The following MYO5B variants were observed in gnomAD, a reference collection of about 807,000 sequenced individuals.
MYO5B encodes the protein myosin VB.
MYO5B carries 143 observed loss-of-function variants against 229.3 expected under a neutral mutation model. That is an observed-to-expected ratio of 0.62 (90% confidence interval 0.54 to 0.72). MYO5B has a LOEUF of 0.72. Ranked by LOEUF, MYO5B falls within the 30% of genes least tolerant of loss-of-function variation. The pLI, the probability that MYO5B is intolerant of heterozygous loss-of-function variation, is 0.00. For missense variants in MYO5B, 2,321 were observed against 2,331.0 expected (o/e 1.00, Z 0.09); for synonymous variants, 918 against 885.2 (o/e 1.04, Z -0.66).
rs2024227784 is a variant in MYO5B, at chr18:49,853,616, G to T, written c.4054C>A (p.Leu1352Met). Residue 1352 changes from leucine (L) to methionine (M), a missense_variant, in exon 31 of 40, where the codon CTG (leucine) becomes ATG (methionine). By Grantham distance (15) the Leu-to-Met change is conservative. Coordinates refer to ENST00000285039, the MANE Select transcript of MYO5B (RefSeq NM_001080467.3). Reference protein sequence around the residue: ...LLEAQLQAQSLEHEEEVEHLK... With the variant: ...LLEAQLQAQSMEHEEEVEHLK... ...TGCTCCACCTCCTCCTCATGCTCCA[G>T]GCTCTGGGCCTGCAGCTGAGCCTCC... 6.2e-7 allele frequency: 1 copy of T among 1,613,638 alleles called. No homozygotes were observed. The highest frequency in any genetic ancestry group is 1.3e-5 in the African/African-American group (1 of 74,936).
intron 16 of MYO5B, among the ~76,000 whole-genome samples, chr18:49,934,031 A>G (rs1256025542): frequency 2.0e-5 from 3 of 152,090 alleles, no homozygotes; most frequent in Non-Finnish European, 4.4e-5. Context: ...ATGCACCACC[A>G]TGCCCAGCTA....
intron 1 of MYO5B, among the ~76,000 whole-genome samples, chr18:50,138,336 GC>G (rs1189025136): frequency 6.6e-6 from 1 of 151,914 alleles, no homozygotes; most frequent in Non-Finnish European, 1.5e-5. Context: ...ATTCCTTCCT[GC>G]CCTCTTTCCC....
At chr18:49,968,519 C>T (rs752140815) in intron 10 of MYO5B, among the ~76,000 whole-genome samples, 5 of 151,384 alleles carry the variant, frequency 3.3e-5, no homozygotes, top group South Asian at 4.2e-4. Flanking sequence ...TAAATGGGTC[C>T]GGGTGCTGGG....
At chr18:50,122,024 A>C (rs949183) in intron 1 of MYO5B, among the ~76,000 whole-genome samples, 113,181 of 152,166 alleles carry the variant, frequency 0.74, 42,539 homozygotes, top group Admixed American at 0.81. Flanking sequence ...AATAGGCAGG[A>C]CTGAACCGAC....
chr18:50,189,569 G>A (rs112216670), intron 1 of MYO5B, among the ~76,000 whole-genome samples: 1,707 of 152,272 alleles, frequency 0.011, 35 homozygotes, highest in African/African-American at 0.039. Context: ...CTGGCTATTG[G>A]GAGTGAGCTA....
chr18:50,182,183 G>A (rs554650598), intron 1 of MYO5B, among the ~76,000 whole-genome samples: 2 of 152,172 alleles, frequency 1.3e-5, no homozygotes, highest in Non-Finnish European at 2.9e-5. Context: ...CAAAAACTAT[G>A]AGTACTGTTA....
chr18:49,877,708 A>G, intron 25 of MYO5B, 55 bp downstream of exon 25: 1 of 1,611,772 alleles, frequency 6.2e-7, no homozygotes, highest in Non-Finnish European at 8.5e-7. Flanking sequence ...CCACACAGAA[A>G]AAAACACACA....
chr18:50,188,433 T>C (rs1249513009), intron 1 of MYO5B, among the ~76,000 whole-genome samples: 1 of 152,200 alleles, frequency 6.6e-6, no homozygotes, highest in East Asian at 1.9e-4. Flanking sequence ...TAGTGTACTT[T>C]GTGTATTTAG....
At chr18:49,979,443 A>C (rs1598927898) in intron 9 of MYO5B, among the ~76,000 whole-genome samples, 2 of 152,336 alleles carry the variant, frequency 1.3e-5, no homozygotes, top group East Asian at 3.9e-4. Flanking sequence ...TGGATGATAC[A>C]CAATGAGCTC....
chr18:50,182,686 G>C (rs972521917), intron 1 of MYO5B, among the ~76,000 whole-genome samples: 7 of 152,290 alleles, frequency 4.6e-5, no homozygotes, highest in Admixed American at 2.6e-4. Context: ...ATAGACTTTG[G>C]CAAGTGCCAG....
intron 17 of MYO5B, among the ~76,000 whole-genome samples, chr18:49,919,018 C>G (rs886152031): frequency 2.0e-5 from 3 of 152,166 alleles, no homozygotes; most frequent in African/African-American, 7.2e-5. Flanking sequence ...AGGACTTGAC[C>G]TGATTACTTA....
chr18:50,193,508 G>C (rs1374145172), intron 1 of MYO5B, among the ~76,000 whole-genome samples: 2 of 152,268 alleles, frequency 1.3e-5, no homozygotes, highest in African/African-American at 4.8e-5. Flanking sequence ...GGAGCCGAAG[G>C]GCTCCCACAT....
At chr18:49,859,073 C>T (rs1259011885) in intron 29 of MYO5B, among the ~76,000 whole-genome samples, 1 of 152,228 alleles carries the variant, frequency 6.6e-6, no homozygotes, top group East Asian at 1.9e-4. Flanking sequence ...CAGTCAGTCT[C>T]CAGCCACAGG....
chr18:49,906,018 G>C (rs908327209), intron 19 of MYO5B, among the ~76,000 whole-genome samples: 1 of 152,164 alleles, frequency 6.6e-6, no homozygotes, highest in South Asian at 2.1e-4. Flanking sequence ...ACCTGACTCC[G>C]AGGCATTATG....
At chr18:49,982,611 T>C (rs183783143) in intron 8 of MYO5B, among the ~76,000 whole-genome samples, 1 of 152,332 alleles carries the variant, frequency 6.6e-6, no homozygotes, top group African/African-American at 2.4e-5. Context: ...AAACAGGGGT[T>C]GGCAAACTAT....
At chr18:50,018,917 G>A (rs1278411288) in intron 4 of MYO5B, among the ~76,000 whole-genome samples, 2 of 152,194 alleles carry the variant, frequency 1.3e-5, no homozygotes, top group Non-Finnish European at 1.5e-5. Flanking sequence ...AATATCCCAA[G>A]CTAACTAAAG....
chr18:49,980,546 T>C lies in MYO5B; in HGVS notation c.954A>G (p.Lys318=). 1.2e-6 allele frequency: 2 copies of C among 1,610,076 alleles called. No homozygotes were observed. The highest frequency in any genetic ancestry group is 8.5e-7 in the Non-Finnish European group (1 of 1,176,340). The stretch of plus-strand genomic sequence containing the variant: ...TAAAAATGCTCATCTGATGGGACTC[T>C]TTCACTCCTGGAAAAGAAAAATGAA... The part of the protein sequence containing the change: ...TRQAFTLLGV[K]ESHQMSIFKI... Residue 318 remains lysine, a synonymous_variant, in exon 9 of 40, where the codon AAA becomes AAG. Coordinates refer to ENST00000285039, the MANE Select transcript of MYO5B (RefSeq NM_001080467.3).
At chr18:49,939,809 T>C (rs2025293917) in intron 14 of MYO5B, among the ~76,000 whole-genome samples, 1 of 152,202 alleles carries the variant, frequency 6.6e-6, no homozygotes, top group Non-Finnish European at 1.5e-5. Context: ...TAAAAGGGCT[T>C]CAGATATAGC....
intron 17 of MYO5B, among the ~76,000 whole-genome samples, chr18:49,927,501 C>A (rs1401981648): frequency 5.3e-5 from 8 of 152,120 alleles, no homozygotes; most frequent in Non-Finnish European, 8.8e-5. Flanking sequence ...TCAAACTGTA[C>A]TGTAAGGCCA....
Sources: gnomAD v4.1 joint callset for allele counts (sites outside exome capture counted in the v4.1 genomes callset) on GRCh38, gnomAD v4.1.1 for gene constraint, MANE v1.5 for transcripts, NCBI Gene and HGNC (gene_info 2026-07-23, HGNC 2026-07-21) for gene names.